NES: variants seen among roughly 807,000 people sequenced by gnomAD.
NES encodes the protein nestin.
NES carries 27 observed loss-of-function variants against 35.6 expected under a neutral mutation model. The observed-to-expected ratio is 0.76, with a 90% CI of 0.56 to 1.04. NES has a LOEUF of 1.04. Ranked by LOEUF, NES falls within the 50% of genes least tolerant of loss-of-function variation. The probability of loss-of-function intolerance (pLI) is 0.00; values close to 1 mark genes in which losing one functional copy is unlikely to be tolerated. For synonymous variants in NES, 822 were observed against 824.2 expected, an observed-to-expected ratio of 1.00 and a Z score of 0.04; for missense variants, 1,867 against 1,983.6, an observed-to-expected ratio of 0.94 and a Z score of 1.12.
Position 156,677,089 on chromosome 1 carries a change from T to C in NES, c.176A>G (p.Glu59Gly). 6.2e-7 allele frequency: 1 copy of C among 1,603,022 alleles called. No homozygotes were observed. The highest frequency in any genetic ancestry group is 8.5e-7 in the Non-Finnish European group (1 of 1,176,000). ...AACGAGGGCCCGCAGGGCCGCCAGC[T>C]CGTCGTCGGCATGCGCCCGCCAGGA... ...DTSWRAHADD[E>G]LAALRALVDQ... Residue 59 changes from glutamate to glycine, a missense_variant, in exon 1 of 4, where the codon GAG becomes GGG. By Grantham distance (98) the Glu-to-Gly change is moderately conservative. Transcript: ENST00000368223. This position sits in a 1 kb window ranked among gnomAD's most constrained non-coding sequence, Gnocchi z 4.5.
At position 156,676,452 on chromosome 1, in the gene NES, T is replaced by C. The variant is rs762191948; in HGVS notation, c.783+30A>G. The C allele has an allele frequency of 6.3e-7, 1 of 1,594,390 alleles. No individual in the cohort carries two copies. Among genetic ancestry groups the C allele is most frequent in the South Asian group, 1.1e-5 (1 of 90,262 alleles). The stretch of plus-strand genomic sequence containing the variant: ...GGACTTTCTGGAGCTTTCTGGGACT[T>C]TCTCTCACCCAGGCCCTCAACCTCC... On this transcript the variant is annotated intron_variant, in intron 1 of 3. Coordinates refer to ENST00000368223, the MANE Select transcript of NES (RefSeq NM_006617.2). The surrounding 1 kb of genome is among the most constrained non-coding windows in gnomAD (Gnocchi z 5.3).
intron 3 of NES, 51 bp from the exon 4 acceptor site, chr1:156,673,256 G>A: frequency 7.1e-7 from 1 of 1,414,150 alleles, no homozygotes; most frequent in Non-Finnish European, 9.5e-7. Flanking sequence ...CTGGCAATGA[G>A]GGGAGCCACA....
chr1:156,669,963 A>T lies in NES; in HGVS notation c.4225T>A (p.Ser1409Thr). 1 of 1,611,020 alleles carries T rather than the reference A, an allele frequency of 6.2e-7. No individual in the cohort carries two copies. Among genetic ancestry groups the T allele is most frequent in the Non-Finnish European group, 8.5e-7 (1 of 1,179,286 alleles). Residue 1409 changes from serine to threonine, a missense_variant, in exon 4 of 4, where the codon TCC becomes ACC. Ser to Thr is a moderately conservative substitution (Grantham distance 58, BLOSUM62 1). Coordinates refer to ENST00000368223, the MANE Select transcript of NES (RefSeq NM_006617.2). ...DPAAWDRDGE[S>T]DGFADEEESG... ...TCTTCCTCATCTGCAAACCCATCGG[A>T]CTCCCCATCTCGATCCCAGGCTGCA...
chr1:156,670,770 G>T lies in NES; in HGVS notation c.3418C>A (p.Pro1140Thr), dbSNP rs1423458738. Residue 1140 changes from proline (P) to threonine (T), a missense_variant, in exon 4 of 4, where the codon CCT becomes ACT. Physicochemically the swap from Pro to Thr is conservative, Grantham distance 38. Coordinates refer to ENST00000368223, the MANE Select transcript of NES (RefSeq NM_006617.2). The stretch of plus-strand genomic sequence containing the variant: ...CCTGCCTCCTCTAGGTCCTTTCTAG[G>T]CCCTTCCAAGCCCTGAACCCTCTTT... The part of the protein sequence containing the change: ...EAKRVQGLEG[P>T]RKDLEEAGGL... The T allele has an allele frequency of 2.7e-5, 44 of 1,613,918 alleles. No homozygotes were observed. Among genetic ancestry groups the T allele is most frequent in the Non-Finnish European group, 3.6e-5 (42 of 1,179,996 alleles).
Position 156,669,995 on chromosome 1 carries a change from A to G in NES, c.4193T>C (p.Leu1398Pro). 1 of 1,613,472 alleles carries G rather than the reference A, an allele frequency of 6.2e-7. No individual in the cohort carries two copies. Among genetic ancestry groups the G allele is most frequent in the Non-Finnish European group, 8.5e-7 (1 of 1,179,906 alleles). The change falls in exon 4 of 4, where the codon CTG (leucine) becomes CCG (proline). Residue 1398 changes from leucine to proline, a missense_variant. Physicochemically the swap from Leu to Pro is moderately conservative, Grantham distance 98 (BLOSUM62 -3). Transcript: ENST00000368223. ...ATCTCGATCCCAGGCTGCAGGATCC[A>G]GTAGCAGCTGGGGCACCTGGCCCAG... ...EPLGQVPQLLLDPAAWDRDGE... is the reference protein window; with the variant it reads ...EPLGQVPQLLPDPAAWDRDGE...
At chr1:156,675,861 G>C (rs6658223) in intron 1 of NES, among the ~76,000 whole-genome samples, 109,753 of 151,954 alleles carry the variant, frequency 0.72, 40,116 homozygotes, top group East Asian at 0.86. Context: ...TCTGGATTCT[G>C]TCTCCTCTGA....
rs761118821 is a variant in NES at position 156,671,619 on chromosome 1, G to A, written c.2569C>T (p.Gln857Ter). 12 of 1,613,824 alleles carry A rather than the reference G, an allele frequency of 7.4e-6. No homozygotes were observed. In the African/African-American group the frequency reaches 1.3e-4, roughly 18 times the overall value. Residue 857 changes from glutamine (Q) to a stop codon, truncating the protein, a stop_gained, in exon 4 of 4, where the codon CAG (glutamine) becomes TAG (stop). Transcript: ENST00000368223. LOFTEE classifies it low-confidence loss of function (END_TRUNC). ...TTTTCTAGAGGATTCATTGCCCCCT[G>A]ATTTATTTCTTCTGGAGTCCACAGT... ...APLWTPEEIN[Q>*]GAMNPLEKEI...
Position 156,670,820 on chromosome 1 carries a change from G to A in NES, c.3368C>T (p.Pro1123Leu), listed in dbSNP as rs552442225. ...HLTREEVMEP[P>L]LEEESLEAKR... Reference sequence around the variant, plus strand: ...TGCCTCCAAACTCTCCTCTTCCAGGGGTGGTTCCATCACCTCTTCCCTGGT... The same window carrying A: ...TGCCTCCAAACTCTCCTCTTCCAGGAGTGGTTCCATCACCTCTTCCCTGGT... Residue 1123 changes from proline (P) to leucine (L), a missense_variant, in exon 4 of 4, where the codon CCC becomes CTC. Coordinates refer to ENST00000368223, the MANE Select transcript of NES (RefSeq NM_006617.2). 32 of 1,612,774 alleles carry A rather than the reference G, an allele frequency of 2.0e-5. No homozygotes were observed. In the South Asian group the frequency reaches 3.4e-4, roughly 17 times the overall value.
chr1:156,672,711 A>G lies in NES; in HGVS notation c.1477T>C (p.Cys493Arg). The G allele has an allele frequency of 6.2e-7, 1 of 1,613,612 alleles. No individual in the cohort carries two copies. Among genetic ancestry groups the G allele is most frequent in the Non-Finnish European group, 8.5e-7 (1 of 1,180,036 alleles). The change falls in exon 4 of 4, where the codon TGC becomes CGC. Residue 493 changes from cysteine (C) to arginine (R), a missense_variant. Transcript: ENST00000368223. ...ESGGSRVFSI[C>R]RGEGEGQIWG... ...ATTTGCCCTTCACCTTCCCCTCGGC[A>G]TATGCTGAACACTCTAGACCCACCG...
At chr1:156,673,401 G>T in intron 3 of NES, 53 bp downstream of exon 3, 1 of 1,526,470 alleles carries the variant, frequency 6.6e-7, no homozygotes, top group Non-Finnish European at 9.0e-7. Context: ...ATAGGTCTGG[G>T]TATGAAGAGC....
chr1:156,671,653 A>C lies in NES; in HGVS notation c.2535T>G (p.Thr845=), dbSNP rs148428596. 2 of 1,613,578 alleles carry C rather than the reference A, an allele frequency of 1.2e-6. No homozygotes were observed. Among genetic ancestry groups the C allele is most frequent in the Non-Finnish European group, 1.7e-6 (2 of 1,179,916 alleles). ...CTTCTGGAGTCCACAGTGGTGCTTG[A>C]GTTTCTGGAGATTTCAGTGTTTCCA... The part of the protein sequence containing the change: ...ENLETLKSPE[T]QAPLWTPEEI... The change falls in exon 4 of 4, where the codon ACT becomes ACG. Residue 845 remains threonine (T), a synonymous_variant. Transcript: ENST00000368223.
chr1:156,675,168 A>ATG, intron 2 of NES, 48 bp downstream of exon 2: 2 of 1,593,696 alleles, frequency 1.3e-6, no homozygotes, highest in Non-Finnish European at 1.7e-6. Flanking sequence ...CTGCCCCAGC[A>ATG]TGTGTGTGTG....
At position 156,669,632 on chromosome 1, in the gene NES, A is replaced by G; in HGVS notation, c.4556T>C (p.Ile1519Thr). Residue 1519 changes from isoleucine (I) to threonine (T), a missense_variant, in exon 4 of 4, where the codon ATC becomes ACC. Transcript: ENST00000368223. ...REDKVPGPLE[I>T]PSGMEDAGPG... ...GCCTGCATCCTCCATCCCACTGGGG[A>G]TCTCTAGAGGGCCAGGGACTTTGTC... The G allele has an allele frequency of 6.2e-7, 1 of 1,613,916 alleles. No individual in the cohort carries two copies. Among genetic ancestry groups the G allele is most frequent in the Non-Finnish European group, 8.5e-7 (1 of 1,179,936 alleles).
rs762007164 is a variant in NES, at chr1:156,676,568, C to G, written c.697G>C (p.Gly233Arg). 2.5e-6 allele frequency: 4 copies of G among 1,589,340 alleles called. No homozygotes were observed. Among genetic ancestry groups the G allele is most frequent in the Non-Finnish European group, 3.4e-6 (4 of 1,175,522 alleles). Reference protein sequence around the residue: ...LELQQLQAERGGLLERRAALE... With the variant: ...LELQQLQAERRGLLERRAALE... ...GCTGCCCTGCGCTCCAGGAGGCCTCCGCGCTCAGCCTGGAGCTGCTGCAGC... is the reference window on the plus strand; with the variant it reads ...GCTGCCCTGCGCTCCAGGAGGCCTCGGCGCTCAGCCTGGAGCTGCTGCAGC... Residue 233 changes from glycine (G) to arginine (R), a missense_variant, in exon 1 of 4, where the codon GGA (glycine) becomes CGA (arginine). Physicochemically the swap from Gly to Arg is moderately radical, Grantham distance 125. Transcript: ENST00000368223. The surrounding 1 kb of genome is among the most constrained non-coding windows in gnomAD (Gnocchi z 5.3).
rs1679747516 is a variant in NES, at chr1:156,672,068, T to C, written c.2120A>G (p.Asn707Ser). ...QEPLRSLEDE[N>S]KEAFRSLEKE... is the part of the protein sequence containing the mutation. ...TTCTAGAGATCTAAAGGCCTCTTTG[T>C]TCTCATCTTCAAGAGACCTCAGGGG... Residue 707 changes from asparagine to serine, a missense_variant, in exon 4 of 4, where the codon AAC becomes AGC. Physicochemically the swap from Asn to Ser is conservative, Grantham distance 46 (BLOSUM62 1). Transcript: ENST00000368223. 1 of 1,612,868 alleles carries C rather than the reference T, an allele frequency of 6.2e-7. No individual in the cohort carries two copies. The highest frequency in any genetic ancestry group is 8.5e-7 in the Non-Finnish European group (1 of 1,179,866).
In NES at chr1:156,672,335, C is replaced by A. The variant is rs1339899854; in HGVS notation, c.1853G>T (p.Gly618Val). 3.7e-6 allele frequency: 6 copies of A among 1,611,958 alleles called. No individual in the cohort carries two copies. The highest frequency in any genetic ancestry group is 1.7e-5 in the Admixed American group (1 of 59,408). ...KEAVGQLKPT[G>V]KEDTQTLQSL... is the part of the protein sequence containing the mutation. Reference sequence around the variant, plus strand: ...TTGCAATGTCTGTGTGTCCTCTTTTCCTGTAGGCTTAAGTTGGCCTACAGC... The same window carrying A: ...TTGCAATGTCTGTGTGTCCTCTTTTACTGTAGGCTTAAGTTGGCCTACAGC... Residue 618 changes from glycine to valine, a missense_variant, in exon 4 of 4, where the codon GGA becomes GTA. Transcript: ENST00000368223.
At position 156,670,720 on chromosome 1, in the gene NES, C is replaced by G; in HGVS notation, c.3468G>C (p.Glu1156Asp). 1 of 1,614,028 alleles carries G rather than the reference C, an allele frequency of 6.2e-7. No individual in the cohort carries two copies. Among genetic ancestry groups the G allele is most frequent in the Non-Finnish European group, 8.5e-7 (1 of 1,179,956 alleles). Residue 1156 changes from glutamate to aspartate, a missense_variant, in exon 4 of 4, where the codon GAG becomes GAC. Transcript: ENST00000368223. ...AAGGGTCTCTGCTCTTCCCAGGCAGCTCGGAGAACTCTGTCCCCAGACCAC... is the reference window on the plus strand; with the variant it reads ...AAGGGTCTCTGCTCTTCCCAGGCAGGTCGGAGAACTCTGTCCCCAGACCAC... ...EAGGLGTEFS[E>D]LPGKSRDPWE...
rs1647309635 is a variant in NES at position 156,676,842 on chromosome 1, G to C, written c.423C>G (p.Arg141=). Residue 141 remains arginine (R), a synonymous_variant, in exon 1 of 4, where the codon CGC becomes CGG. Transcript: ENST00000368223. The surrounding 1 kb of genome is among the most constrained non-coding windows in gnomAD (Gnocchi z 5.3). ...AELERELEAL[R]VAHEEERVGL... ...CGACGCGCTCCTCCTCGTGCGCCAC[G>C]CGTAGAGCCTCTAGCTCGCGCTCCA... is the stretch of plus-strand genomic sequence containing the variant. 6 of 1,476,930 alleles carry C rather than the reference G, an allele frequency of 4.1e-6. No individual in the cohort carries two copies. The African/African-American group carries it at 7.4e-5, about 18-fold the overall frequency. The allele number at this position is 1,476,930 out of a possible 1,614,324, so 91.5% of individuals were successfully genotyped here. A position where few individuals can be genotyped will look rare whatever the true frequency, so the allele number is the denominator to read the frequency against.
Position 156,670,101 on chromosome 1 carries a change from A to G in NES, c.4087T>C (p.Ser1363Pro). The G allele has an allele frequency of 6.2e-7, 1 of 1,613,932 alleles. No individual in the cohort carries two copies. ...TCCTCAAATTCTTCTGACAGGTCAG[A>G]GTCACGGCCACACTCCTCTTCTCCC... ...EEGEEECGRD[S>P]DLSEEFEDLG... The change falls in exon 4 of 4, where the codon TCT becomes CCT. Residue 1363 changes from serine (S) to proline (P), a missense_variant. By Grantham distance (74) the Ser-to-Pro change is moderately conservative. Coordinates refer to ENST00000368223, the MANE Select transcript of NES (RefSeq NM_006617.2).
Sources: allele counts gnomAD v4.1 joint callset (sites outside exome capture counted in the v4.1 genomes callset), GRCh38; gene constraint gnomAD v4.1.1; non-coding constraint Gnocchi (gnomAD v3.1); transcripts MANE v1.5; gene names NCBI Gene and HGNC (gene_info 2026-07-23, HGNC 2026-07-21).